CAMSAP2: variants seen among roughly 807,000 people sequenced by gnomAD.
CAMSAP2 encodes calmodulin-regulated spectrin-associated protein 2.
Under a neutral mutation model 146.1 loss-of-function variants are expected in CAMSAP2, and 26 were observed. The observed-to-expected ratio is 0.18, with a 90% confidence interval of 0.13 to 0.25. The LOEUF (loss-of-function observed/expected upper bound fraction) is 0.25, where lower values mean the gene tolerates loss of function less well. Ranked by LOEUF, CAMSAP2 falls within the 10% of genes least tolerant of loss-of-function variation. The pLI is 1.00. For synonymous variants in CAMSAP2, 499 were observed against 596.6 expected (o/e 0.84, Z 2.38); for missense variants, 1,381 against 1,759.3 (o/e 0.78, Z 3.85).
At chr1:200,828,669 T>C in intron 4 of CAMSAP2, 1 of 1,418,716 alleles carries the variant, frequency 7.0e-7, no homozygotes, top group Non-Finnish European at 9.7e-7. Context: ...GTATTGTTTA[T>C]GTCTTGCTGT....
chr1:200,849,076 G>A lies in CAMSAP2; in HGVS notation c.2307G>A (p.Lys769=), dbSNP rs1014797378. 6.2e-7 allele frequency: 1 copy of A among 1,613,968 alleles called. No homozygotes were observed. ...GGCGTGCTATAGAAGCCCAGAAAAA[G>A]AAAATGGAAGCTGCTTTTACCAAAC... ...EKRRAIEAQK[K]KMEAAFTKQR... Residue 769 remains lysine, a synonymous_variant, in exon 11 of 17, where the codon AAG becomes AAA. Coordinates refer to ENST00000358823, the MANE Select transcript of CAMSAP2 (RefSeq NM_203459.4). This position sits in a 1 kb window ranked among gnomAD's most constrained non-coding sequence, Gnocchi z 6.3.
chr1:200,773,376 C>T (rs1665171389), intron 2 of CAMSAP2, among the ~76,000 whole-genome samples: 1 of 152,144 alleles, frequency 6.6e-6, no homozygotes, highest in Non-Finnish European at 1.5e-5. Flanking sequence ...GCCTCACCCT[C>T]CCAAGTAGCT....
chr1:200,847,732 A>C, intron 10 of CAMSAP2, 23 bp downstream of exon 10: 1 of 1,564,168 alleles, frequency 6.4e-7, no homozygotes, highest in Non-Finnish European at 8.8e-7. Flanking sequence ...AATTACTTTT[A>C]GTGTATTCAG....
intron 4 of CAMSAP2, among the ~76,000 whole-genome samples, chr1:200,821,334 C>T (rs1423739722): frequency 6.6e-6 from 1 of 152,026 alleles, no homozygotes; most frequent in Non-Finnish European, 1.5e-5. Context: ...AGGCATGTGC[C>T]ACCATGCCTA....
chr1:200,801,772 C>CT (rs1666042378), intron 2 of CAMSAP2, among the ~76,000 whole-genome samples: 1 of 152,174 alleles, frequency 6.6e-6, no homozygotes, highest in Non-Finnish European at 1.5e-5. Context: ...TACCTATAAG[C>CT]TAAAAGCTAG....
rs1282161491 is a variant in CAMSAP2, at chr1:200,853,317, A to G, written c.3645A>G (p.Arg1215=). Residue 1215 remains arginine, a synonymous_variant, in exon 13 of 17, where the codon AGA becomes AGG. Coordinates refer to ENST00000358823, the MANE Select transcript of CAMSAP2 (RefSeq NM_203459.4). This position sits in a 1 kb window ranked among gnomAD's most constrained non-coding sequence, Gnocchi z 5.1. The stretch of plus-strand genomic sequence containing the variant: ...AACGTCAGAAGAAAGAAGATGAGAG[A>G]GCACGCAGAGAATTTATTAGGCAAG... ...EEERQKKEDE[R]ARREFIRQEY... is the part of the protein sequence containing the mutation. 3.7e-6 allele frequency: 6 copies of G among 1,613,564 alleles called. No homozygotes were observed. The highest frequency in any genetic ancestry group is 3.3e-5 in the Admixed American group (2 of 59,992).
rs1193482845 is a variant in CAMSAP2 at position 200,765,845 on chromosome 1, TAAATTA to T, written c.399+4752_399+4757del. ...AACTGTGAAGGTATGTTAAGTATTATAAATTAAAATATTGACTGCATGGAGGGATAA... is the reference window on the plus strand; with the variant it reads ...AACTGTGAAGGTATGTTAAGTATTATAAATATTGACTGCATGGAGGGATAA... On this transcript the variant is annotated intron_variant, in intron 2 of 16. Transcript: ENST00000358823. Among the ~76,000 whole-genome samples the T allele has an allele frequency of 6.0e-4, 91 of 152,162 alleles. 1 individual carries two copies. Among genetic ancestry groups the T allele is most frequent in the Non-Finnish European group, 1.6e-4 (11 of 68,036 alleles).
At chr1:200,820,170 C>T (rs10920036) in intron 4 of CAMSAP2, among the ~76,000 whole-genome samples, 25,934 of 151,418 alleles carry the variant, frequency 0.17, 2,961 homozygotes, top group East Asian at 0.35. Flanking sequence ...AAGCAATTCT[C>T]GTGCCTCAGC....
intron 1 of CAMSAP2, among the ~76,000 whole-genome samples, chr1:200,740,907 A>T (rs1664150828): frequency 6.6e-6 from 1 of 152,224 alleles, no homozygotes; most frequent in African/African-American, 2.4e-5. Context: ...GAGTAATTTT[A>T]CAAGATTTCT....
intron 1 of CAMSAP2, among the ~76,000 whole-genome samples, chr1:200,749,023 A>G (rs1664424830): frequency 6.6e-6 from 1 of 152,170 alleles, no homozygotes; most frequent in South Asian, 2.1e-4. Context: ...AAATGCCCAA[A>G]TTATGTGATT....
rs1667516823 is a variant in CAMSAP2 at position 200,848,332 on chromosome 1, T to C, written c.1563T>C (p.Asn521=). The part of the protein sequence containing the change: ...SNENIHYKLP[N]GALQNRILLD... Reference sequence around the variant, plus strand: ...AGAATATTCATTACAAGCTTCCAAATGGAGCTTTACAAAATAGAATACTTC... The same window carrying C: ...AGAATATTCATTACAAGCTTCCAAACGGAGCTTTACAAAATAGAATACTTC... Residue 521 remains asparagine (N), a synonymous_variant, in exon 11 of 17, where the codon AAT becomes AAC. Coordinates refer to ENST00000358823, the MANE Select transcript of CAMSAP2 (RefSeq NM_203459.4). 2 of 1,613,856 alleles carry C rather than the reference T, an allele frequency of 1.2e-6. No individual in the cohort carries two copies. The highest frequency in any genetic ancestry group is 2.7e-5 in the African/African-American group (2 of 75,032).
In CAMSAP2 at chr1:200,860,046, C is replaced by T. The variant is rs1667841009; in HGVS notation, c.*1987C>T. ...AAACTTTAAAACTAAACAGGACCACCCTTTATTCTTAAATTTGTGTGTGTC... is the reference window on the plus strand; with the variant it reads ...AAACTTTAAAACTAAACAGGACCACTCTTTATTCTTAAATTTGTGTGTGTC... On this transcript the variant is annotated 3_prime_UTR_variant, in exon 17 of 17. Transcript: ENST00000358823. 1 of 152,570 alleles carries T rather than the reference C, an allele frequency of 6.6e-6. No homozygotes were observed. Among genetic ancestry groups the T allele is most frequent in the South Asian group, 2.1e-4 (1 of 4,818 alleles). 9.5% of individuals were successfully genotyped at this position (152,570 alleles called of 1,614,324 possible).
chr1:200,789,400 T>A (rs1234163501), intron 2 of CAMSAP2, among the ~76,000 whole-genome samples: 1 of 152,152 alleles, frequency 6.6e-6, no homozygotes, highest in Non-Finnish European at 1.5e-5. Flanking sequence ...CATGTGGATG[T>A]CTGGTTGTTC....
intron 2 of CAMSAP2, among the ~76,000 whole-genome samples, chr1:200,772,236 G>GA (rs202074542): frequency 5.1e-4 from 76 of 150,352 alleles, no homozygotes; most frequent in African/African-American, 1.7e-3. Context: ...GATTCTATTT[G>GA]AAAAAAAAAT....
intron 4 of CAMSAP2, among the ~76,000 whole-genome samples, chr1:200,824,621 T>C (rs1048899042): frequency 1.3e-5 from 2 of 152,168 alleles, no homozygotes; most frequent in South Asian, 4.1e-4. Context: ...ATTTTACTTA[T>C]TTGCTCAGTC....
intron 4 of CAMSAP2, among the ~76,000 whole-genome samples, chr1:200,816,628 A>G (rs1218904155): frequency 6.3e-5 from 9 of 141,954 alleles, no homozygotes; most frequent in Non-Finnish European, 1.2e-4. Flanking sequence ...ATATATATGT[A>G]TATATATACA....
intron 1 of CAMSAP2, among the ~76,000 whole-genome samples, chr1:200,749,230 A>G (rs1174344179): frequency 1.3e-5 from 2 of 152,188 alleles, no homozygotes; most frequent in Non-Finnish European, 2.9e-5. Context: ...GGTTTGAACA[A>G]AGAGGCCCAC....
At chr1:200,784,311 T>TA (rs920356300) in intron 2 of CAMSAP2, among the ~76,000 whole-genome samples, 8 of 151,268 alleles carry the variant, frequency 5.3e-5, no homozygotes, top group South Asian at 4.2e-4. Flanking sequence ...CAATTTCTAT[T>TA]AAAAAAAAAG....
chr1:200,740,547 G>A (rs753280730), intron 1 of CAMSAP2, among the ~76,000 whole-genome samples: 30 of 152,114 alleles, frequency 2.0e-4, no homozygotes, highest in Non-Finnish European at 3.8e-4. Flanking sequence ...TAAAACCAGC[G>A]TTCAGTTTGC....
Sources: allele counts gnomAD v4.1 joint callset (sites outside exome capture counted in the v4.1 genomes callset), GRCh38; gene constraint gnomAD v4.1.1; non-coding constraint Gnocchi (gnomAD v3.1); transcripts MANE v1.5; gene names NCBI Gene and HGNC (gene_info 2026-07-23, HGNC 2026-07-21).